TMC1: variants seen among roughly 807,000 people sequenced by gnomAD.
The protein encoded by TMC1 is transmembrane channel like 1.
Under a neutral mutation model 105.8 loss-of-function variants are expected in TMC1, and 84 were observed. The ratio of observed to expected loss-of-function variants is 0.79; its 90% confidence interval spans 0.67 to 0.95. The LOEUF (loss-of-function observed/expected upper bound fraction) is 0.95. Ranked by LOEUF, TMC1 falls within the 40% of genes least tolerant of loss-of-function variation. The pLI, the probability that TMC1 is intolerant of heterozygous loss-of-function variation, is 0.00. For synonymous variants in TMC1, 315 were observed against 311.5 expected, an observed-to-expected ratio of 1.01 and a Z score of -0.12; for missense variants, 817 against 914.1, an observed-to-expected ratio of 0.89 and a Z score of 1.37.
At position 72,704,967 on chromosome 9, in the gene TMC1, G is replaced by T. The variant is rs998013084; in HGVS notation, c.362+4324G>T. Among the ~76,000 whole-genome samples the T allele has an allele frequency of 3.3e-5, 5 of 151,716 alleles. No individual in the cohort carries two copies. The East Asian group carries it at 9.7e-4, about 29-fold the overall frequency. On this transcript the variant is annotated intron_variant, in intron 8 of 23. Transcript: ENST00000297784. ...TGTAGGGAGTTGGAGGGGGGTAAGGGAAACAGTGTCATATTTTCCAATTAT... is the reference window on the plus strand; with the variant it reads ...TGTAGGGAGTTGGAGGGGGGTAAGGTAAACAGTGTCATATTTTCCAATTAT...
chr9:72,547,649 C>T (rs570315358), intron 1 of TMC1, among the ~76,000 whole-genome samples: 1 of 152,222 alleles, frequency 6.6e-6, no homozygotes, highest in South Asian at 2.1e-4. Context: ...TCAAAATGAA[C>T]ATACTTAAGG....
rs144308032 is a variant in TMC1 at position 72,627,438 on chromosome 9, A to G, written c.-195-483A>G. ...AGAAATTTCTCTAGTTCCATCCACAAGTAGATCCCACTGCAGTGGCCTCAT... is the reference window on the plus strand; with the variant it reads ...AGAAATTTCTCTAGTTCCATCCACAGGTAGATCCCACTGCAGTGGCCTCAT... On this transcript the variant is annotated intron_variant, in intron 3 of 23. Coordinates refer to ENST00000297784, the MANE Select transcript of TMC1 (RefSeq NM_138691.3). 1.7e-3 allele frequency among the ~76,000 whole-genome samples: 255 copies of G among 152,232 alleles called. 2 individuals are homozygous for G. Among genetic ancestry groups the G allele is most frequent in the African/African-American group, 6.0e-3 (251 of 41,550 alleles).
intron 12 of TMC1, among the ~76,000 whole-genome samples, chr9:72,762,332 A>C (rs556942841): frequency 2.0e-5 from 3 of 152,178 alleles, no homozygotes; most frequent in African/African-American, 7.2e-5. Flanking sequence ...TGGTGGGTCC[A>C]AGGAGGTGGC....
intron 1 of TMC1, among the ~76,000 whole-genome samples, chr9:72,550,086 A>T (rs188432259): frequency 6.6e-6 from 1 of 152,132 alleles, no homozygotes; most frequent in East Asian, 1.9e-4. Context: ...ATCAACCTGA[A>T]TTCACTAAGA....
chr9:72,816,288 T>C, intron 19 of TMC1, 78 bp downstream of exon 19: 1 of 1,372,828 alleles, frequency 7.3e-7, no homozygotes, highest in Middle Eastern at 1.8e-4. Context: ...TGAATCCTGG[T>C]GTTAGAGGAG....
chr9:72,540,125 A>G (rs1357706409), intron 1 of TMC1, among the ~76,000 whole-genome samples: 1 of 152,160 alleles, frequency 6.6e-6, no homozygotes, highest in Non-Finnish European at 1.5e-5. Flanking sequence ...TAATCTATTC[A>G]TGAGGGATCC....
intron 17 of TMC1, among the ~76,000 whole-genome samples, chr9:72,802,385 A>G (rs1269721774): frequency 6.6e-6 from 1 of 152,220 alleles, no homozygotes; most frequent in Non-Finnish European, 1.5e-5. Flanking sequence ...TTCATTTTTT[A>G]TTTATGAGTG....
chr9:72,710,746 T>C (rs13288327), intron 8 of TMC1, among the ~76,000 whole-genome samples: 7,629 of 152,278 alleles, frequency 0.05, 246 homozygotes, highest in Middle Eastern at 0.065. Flanking sequence ...TATGTGTTAG[T>C]TGAGTCTCTT....
Position 72,836,014 on chromosome 9 carries a change from C to T in TMC1, c.*41C>T. ...CCCAGAAAAGGTACACTTTGCCTTGCTGTTTAAAAGTAATGCAATATGTGA... is the reference window on the plus strand; with the variant it reads ...CCCAGAAAAGGTACACTTTGCCTTGTTGTTTAAAAGTAATGCAATATGTGA... On this transcript the variant is annotated 3_prime_UTR_variant, in exon 24 of 24. Transcript: ENST00000297784. The T allele has an allele frequency of 1.3e-6, 2 of 1,591,462 alleles. No individual in the cohort carries two copies. Among genetic ancestry groups the T allele is most frequent in the South Asian group, 1.1e-5 (1 of 90,800 alleles).
In TMC1 at chr9:72,643,100, C is replaced by T. The variant is rs73647680; in HGVS notation, c.-52-5497C>T. Among the ~76,000 whole-genome samples, 343 of 152,138 alleles carry T rather than the reference C, an allele frequency of 2.3e-3. 3 individuals carry two copies. The highest frequency in any genetic ancestry group is 8.0e-3 in the African/African-American group (331 of 41,540). Reference sequence around the variant, plus strand: ...TCTAATTTTCAAAGGTTTTTTCCTTCCTTTCTTCTCCTTTCCTCCCTCCTT... The same window carrying T: ...TCTAATTTTCAAAGGTTTTTTCCTTTCTTTCTTCTCCTTTCCTCCCTCCTT... On this transcript the variant is annotated intron_variant, in intron 4 of 23. Coordinates refer to ENST00000297784, the MANE Select transcript of TMC1 (RefSeq NM_138691.3).
At chr9:72,723,012 A>G (rs1827055118) in intron 8 of TMC1, among the ~76,000 whole-genome samples, 1 of 152,216 alleles carries the variant, frequency 6.6e-6, no homozygotes, top group Non-Finnish European at 1.5e-5. Context: ...AACTGAAAGC[A>G]GAGGTTAAAG....
At chr9:72,783,733 C>T (rs1050596727) in intron 13 of TMC1, among the ~76,000 whole-genome samples, 2 of 152,114 alleles carry the variant, frequency 1.3e-5, no homozygotes, top group South Asian at 4.1e-4. Flanking sequence ...AGAAATAAAG[C>T]TGCACATGTA....
intron 2 of TMC1, among the ~76,000 whole-genome samples, chr9:72,600,430 A>G (rs569616514): frequency 4.9e-4 from 75 of 152,220 alleles, no homozygotes; most frequent in African/African-American, 1.8e-3. Context: ...GAGTCTCATG[A>G]TTATCACCAA....
At chr9:72,663,267 A>G (rs72733019) in intron 5 of TMC1, among the ~76,000 whole-genome samples, 15,499 of 152,156 alleles carry the variant, frequency 0.1, 969 homozygotes, top group African/African-American at 0.16. Context: ...GTGGGGCCAC[A>G]GGACTGGTTG....
chr9:72,739,244 T>C (rs899048654), intron 8 of TMC1, among the ~76,000 whole-genome samples: 39 of 152,156 alleles, frequency 2.6e-4, no homozygotes, highest in African/African-American at 9.4e-4. Flanking sequence ...TGGCCACTAC[T>C]TACAAGGGCA....
intron 1 of TMC1, among the ~76,000 whole-genome samples, chr9:72,538,414 A>ATTGTG (rs758023206): frequency 7.0e-6 from 1 of 142,336 alleles, no homozygotes; most frequent in Non-Finnish European, 1.6e-5. Flanking sequence ...ATTGTATTGT[A>ATTGTG]TTGTATTGTA....
chr9:72,660,951 C>T (rs1173652155), intron 5 of TMC1, among the ~76,000 whole-genome samples: 1 of 152,060 alleles, frequency 6.6e-6, no homozygotes, highest in Non-Finnish European at 1.5e-5. Context: ...GAGATCGAGA[C>T]CATCCTGGCT....
chr9:72,536,104 A>G (rs1823579877), intron 1 of TMC1, among the ~76,000 whole-genome samples: 1 of 152,182 alleles, frequency 6.6e-6, no homozygotes, highest in East Asian at 1.9e-4. Context: ...TAGTCCCTAA[A>G]AGTCTTAACT....
intron 3 of TMC1, among the ~76,000 whole-genome samples, chr9:72,622,435 G>C (rs1441321506): frequency 2.0e-5 from 3 of 152,208 alleles, no homozygotes; most frequent in Admixed American, 2.0e-4. Context: ...GGGGCAAGGA[G>C]GGCTTGTCCT....
Sources: gnomAD v4.1 joint callset for allele counts (sites outside exome capture counted in the v4.1 genomes callset) on GRCh38, gnomAD v4.1.1 for gene constraint, MANE v1.5 for transcripts, NCBI Gene and HGNC (gene_info 2026-07-23, HGNC 2026-07-21) for gene names.